Variants in DAB1 observed in about 807,000 individuals in gnomAD.
DAB1 encodes the protein DAB adaptor protein 1.
A neutral mutation model predicts 64.6 loss-of-function variants in DAB1; 15 were observed. The observed-to-expected ratio is 0.23, with a 90% CI of 0.16 to 0.36. DAB1 has a LOEUF of 0.36. DAB1 is among the 10% of genes least tolerant of loss of function. The probability of loss-of-function intolerance (pLI) is 1.00; values close to 1 mark genes in which losing one functional copy is unlikely to be tolerated. For synonymous variants in DAB1, 235 were observed against 251.9 expected (o/e 0.93, Z 0.64); for missense variants, 596 against 706.7 (o/e 0.84, Z 1.78).
intron 2 of DAB1, among the ~76,000 whole-genome samples, chr1:58,525,654 T>A (rs939991892): frequency 3.9e-5 from 6 of 152,130 alleles, no homozygotes; most frequent in African/African-American, 1.4e-4. Flanking sequence ...AATTCATGTA[T>A]AAATGCAATG....
chr1:57,446,307 T>C (rs1686133501), intron 7 of DAB1, among the ~76,000 whole-genome samples: 1 of 152,124 alleles, frequency 6.6e-6, no homozygotes, highest in African/African-American at 2.4e-5. Flanking sequence ...TACATATGAC[T>C]AAATTTTAGG....
At chr1:57,859,302 C>A (rs964009875) in intron 1 of DAB1, among the ~76,000 whole-genome samples, 3 of 152,250 alleles carry the variant, frequency 2.0e-5, no homozygotes, top group South Asian at 2.1e-4. Context: ...ACATTTGGAA[C>A]CTTTCCTCTT....
At chr1:57,373,645 T>C (rs769750039) in intron 1 of DAB1, among the ~76,000 whole-genome samples, 2 of 152,198 alleles carry the variant, frequency 1.3e-5, no homozygotes, top group Non-Finnish European at 2.9e-5. Flanking sequence ...CTGTGATCTG[T>C]TGTTCCTGTA....
intron 4 of DAB1, among the ~76,000 whole-genome samples, chr1:58,306,008 G>C (rs921697792): frequency 7.0e-6 from 1 of 143,642 alleles, no homozygotes; most frequent in Non-Finnish European, 1.5e-5. Context: ...ACACATTATA[G>C]TCCTCCTCCT....
intron 4 of DAB1, among the ~76,000 whole-genome samples, chr1:58,268,584 C>T (rs12124585): frequency 0.32 from 48,136 of 151,832 alleles, 9,145 homozygotes; most frequent in Non-Finnish European, 0.44. Flanking sequence ...ATATATAAAG[C>T]CCCTGATTGC....
intron 1 of DAB1, among the ~76,000 whole-genome samples, chr1:57,421,719 G>A (rs1030607708): frequency 1.3e-5 from 2 of 152,018 alleles, no homozygotes; most frequent in African/African-American, 4.8e-5. Flanking sequence ...TATTCCATTT[G>A]AATGCTGGGG....
chr1:57,706,282 C>T (rs978126133), intron 6 of DAB1, among the ~76,000 whole-genome samples: 1 of 151,366 alleles, frequency 6.6e-6, no homozygotes, highest in Admixed American at 6.6e-5. Flanking sequence ...TTCTCTTTTC[C>T]TCCCTCCATC....
At chr1:57,286,500 T>G in intron 2 of DAB1, among the ~76,000 whole-genome samples, 1 of 152,240 alleles carries the variant, frequency 6.6e-6, no homozygotes, top group Admixed American at 6.5e-5. Context: ...AGTTTAAGGA[T>G]GTAACTTCAG....
At chr1:57,451,337 G>A (rs1438873205) in intron 7 of DAB1, among the ~76,000 whole-genome samples, 1 of 152,138 alleles carries the variant, frequency 6.6e-6, no homozygotes, top group African/African-American at 2.4e-5. Flanking sequence ...AGTTTCTAAG[G>A]CACCAAAGTC....
intron 3 of DAB1, among the ~76,000 whole-genome samples, chr1:58,395,114 G>A (rs1401364600): frequency 1.2e-4 from 19 of 152,106 alleles, no homozygotes; most frequent in Admixed American, 1.2e-3. Flanking sequence ...TAAAGTGAGA[G>A]GCCCTGTTTG....
At chr1:58,286,577 T>C (rs1332389367) in intron 4 of DAB1, among the ~76,000 whole-genome samples, 3 of 152,160 alleles carry the variant, frequency 2.0e-5, no homozygotes. Flanking sequence ...AAGATCAACA[T>C]CACTGACTAT....
chr1:58,475,475 T>TCAC (rs1645409756), intron 3 of DAB1, among the ~76,000 whole-genome samples: 1 of 129,934 alleles, frequency 7.7e-6, no homozygotes, highest in Non-Finnish European at 1.6e-5. Context: ...TTAGGTTAAT[T>TCAC]AAACACACAC....
At chr1:58,124,723 T>C (rs182493488) in intron 5 of DAB1, among the ~76,000 whole-genome samples, 183 of 152,362 alleles carry the variant, frequency 1.2e-3, no homozygotes, top group Non-Finnish European at 1.8e-3. Context: ...TCACCTGTTA[T>C]CTGTGTGTGC....
At chr1:57,329,030 A>ATCT (rs1676421077) in intron 1 of DAB1, among the ~76,000 whole-genome samples, 1 of 152,294 alleles carries the variant, frequency 6.6e-6, no homozygotes, top group Admixed American at 6.5e-5. Flanking sequence ...TCCCAGCCTG[A>ATCT]TCTTCCTGCA....
chr1:57,903,642 C>T (rs763129550), intron 5 of DAB1, among the ~76,000 whole-genome samples: 23 of 152,104 alleles, frequency 1.5e-4, no homozygotes, highest in Non-Finnish European at 2.6e-4. Flanking sequence ...ATCCCAATTG[C>T]GTATTTCCAT....
intron 9 of DAB1, among the ~76,000 whole-genome samples, chr1:57,061,604 A>G (rs553999894): frequency 6.0e-4 from 91 of 152,324 alleles, no homozygotes; most frequent in Admixed American, 4.9e-3. Context: ...AGTGCCACCC[A>G]CTGGTCTCAG....
chr1:58,402,732 C>CTAT (rs1328402835), intron 3 of DAB1, among the ~76,000 whole-genome samples: 5 of 152,090 alleles, frequency 3.3e-5, no homozygotes, highest in Non-Finnish European at 4.4e-5. Context: ...GTTAGTGTCA[C>CTAT]GTACTAGGCA....
intron 6 of DAB1, among the ~76,000 whole-genome samples, chr1:57,713,310 T>C (rs1647047854): frequency 6.6e-6 from 1 of 152,194 alleles, no homozygotes; most frequent in Non-Finnish European, 1.5e-5. Context: ...AAGTCAGTCT[T>C]GCAACAATAC....
Position 57,040,188 on chromosome 1 carries a change from G to C in DAB1, c.724-14145C>G, listed in dbSNP as rs1570570641. Among the ~76,000 whole-genome samples the C allele has an allele frequency of 2.6e-5, 4 of 151,980 alleles. No individual in the cohort carries two copies. In the South Asian group the frequency reaches 8.3e-4, roughly 32 times the overall value. The stretch of plus-strand genomic sequence containing the variant: ...AATACATGGCACCCAACCCTACATC[G>C]TGGGGTTGGGGAAGCTGGGGGCAGC... On this transcript the variant is annotated intron_variant, in intron 9 of 14. Coordinates refer to ENST00000371236, the MANE Select transcript of DAB1 (RefSeq NM_001365792.1).
Sources: gnomAD v4.1 joint callset for allele counts (sites outside exome capture counted in the v4.1 genomes callset) on GRCh38, gnomAD v4.1.1 for gene constraint, MANE v1.5 for transcripts, NCBI Gene and HGNC (gene_info 2026-07-23, HGNC 2026-07-21) for gene names.